The following ATP1B3 variants were observed in gnomAD, a reference collection of about 807,000 sequenced individuals.
The protein encoded by ATP1B3 is ATPase Na+/K+ transporting subunit beta 3.
In ATP1B3, 10 loss-of-function variants were observed where a neutral mutation model predicts 30.2. That is an observed-to-expected ratio of 0.33 (90% CI 0.20 to 0.56). ATP1B3 has a LOEUF of 0.56. Ranked by LOEUF, ATP1B3 falls within the 20% of genes least tolerant of loss-of-function variation. The probability of loss-of-function intolerance (pLI) is 0.90; values close to 1 mark genes in which losing one functional copy is unlikely to be tolerated. For synonymous variants in ATP1B3, 113 were observed against 117.0 expected (o/e 0.97, Z 0.22); for missense variants, 238 against 336.7 (o/e 0.71, Z 2.29).
chr3:141,903,761 CA>C lies in ATP1B3; in HGVS notation c.238+14del, dbSNP rs775849174. 6.8e-6 allele frequency: 11 copies of C among 1,608,134 alleles called. No individual in the cohort carries two copies. The highest frequency in any genetic ancestry group is 8.5e-6 in the Non-Finnish European group (10 of 1,177,936). On this transcript the variant is annotated intron_variant, in intron 2 of 6. Coordinates refer to ENST00000286371, the MANE Select transcript of ATP1B3 (RefSeq NM_001679.4). ...ATTCCTAGCCCAGGTAATTATCTTG[CA>C]GTTATGACTTTGTTTTTTGTTTTTT...
intron 1 of ATP1B3, among the ~76,000 whole-genome samples, chr3:141,888,565 T>C (rs1213804298): frequency 6.6e-6 from 1 of 152,170 alleles, no homozygotes; most frequent in Non-Finnish European, 1.5e-5. Flanking sequence ...AAGAACTACC[T>C]GAGACTGGGT....
chr3:141,877,715 A>G (rs1272812340), intron 1 of ATP1B3, among the ~76,000 whole-genome samples: 4 of 148,684 alleles, frequency 2.7e-5, no homozygotes, highest in Non-Finnish European at 5.9e-5. Context: ...ATGTTAGCAG[A>G]TTTTTTCTAT....
At chr3:141,889,119 G>T (rs1166926023) in intron 1 of ATP1B3, among the ~76,000 whole-genome samples, 7 of 152,004 alleles carry the variant, frequency 4.6e-5, no homozygotes, top group Non-Finnish European at 1.0e-4. Flanking sequence ...CAAACAACCA[G>T]ACTCATGAGA....
intron 1 of ATP1B3, chr3:141,903,161 A>C (rs1361548784): frequency 6.5e-6 from 1 of 153,520 alleles, no homozygotes; most frequent in Non-Finnish European, 1.5e-5. Flanking sequence ...TTTAAAACTT[A>C]AATTTAAGCA....
rs184732303 is a variant in ATP1B3 at position 141,921,094 on chromosome 3, A to T, written c.583-883A>T. 5.0e-3 allele frequency among the ~76,000 whole-genome samples: 755 copies of T among 152,246 alleles called. 2 individuals carry two copies. Among genetic ancestry groups the T allele is most frequent in the Non-Finnish European group, 8.1e-3 (548 of 68,028 alleles). On this transcript the variant is annotated intron_variant, in intron 5 of 6. Transcript: ENST00000286371. ...ATTTTTTTATATATATATAAAATTC[A>T]AGTATTTAATAATGTTTTATTTTAA...
At chr3:141,916,155 C>A in intron 5 of ATP1B3, 135 bp downstream of exon 5, 1 of 684,358 alleles carries the variant, frequency 1.5e-6, no homozygotes, top group Non-Finnish European at 2.4e-6. Context: ...GAATAAAATT[C>A]CACCAACCGT....
intron 1 of ATP1B3, among the ~76,000 whole-genome samples, chr3:141,895,184 T>C (rs1354597880): frequency 1.4e-5 from 2 of 143,770 alleles, no homozygotes; most frequent in African/African-American, 2.6e-5. Flanking sequence ...TTTTTCTTTC[T>C]TTTCTTTTTT....
intron 1 of ATP1B3, among the ~76,000 whole-genome samples, chr3:141,896,326 A>AAT (rs1553744244): frequency 1.1e-4 from 16 of 151,392 alleles, no homozygotes; most frequent in Admixed American, 2.0e-4. Flanking sequence ...AAAAAAAAAA[A>AAT]TTTTCTTAAG....
chr3:141,884,088 A>G (rs963096579), intron 1 of ATP1B3, among the ~76,000 whole-genome samples: 2 of 152,140 alleles, frequency 1.3e-5, no homozygotes, highest in Non-Finnish European at 2.9e-5. Flanking sequence ...CTCAAATTTA[A>G]TGGGAGTTTA....
intron 3 of ATP1B3, among the ~76,000 whole-genome samples, chr3:141,908,526 A>G (rs145494882): frequency 1.3e-5 from 2 of 152,144 alleles, no homozygotes; most frequent in African/African-American, 2.4e-5. Context: ...CTCAGTCTTC[A>G]TGTCACACCC....
intron 1 of ATP1B3, among the ~76,000 whole-genome samples, chr3:141,898,740 C>T (rs1295888406): frequency 6.6e-6 from 1 of 152,060 alleles, no homozygotes; most frequent in African/African-American, 2.4e-5. Context: ...CAGGTATATA[C>T]CCAAGAGAAA....
chr3:141,891,885 TGGC>T (rs1933960465), intron 1 of ATP1B3, among the ~76,000 whole-genome samples: 1 of 150,038 alleles, frequency 6.7e-6, no homozygotes, highest in Admixed American at 6.7e-5. Flanking sequence ...TTAGAGAATG[TGGC>T]CTCTTTTTTT....
In ATP1B3 at chr3:141,890,293, T is replaced by C. The variant is rs1431129890; in HGVS notation, c.110-13327T>C. On this transcript the variant is annotated intron_variant, in intron 1 of 6. Coordinates refer to ENST00000286371, the MANE Select transcript of ATP1B3 (RefSeq NM_001679.4). ...TTTGTTTTTTTGTGGGGCTTTTTTT[T>C]TTTTTTTTTTTTTTTTTTTTTTTTT... Among the ~76,000 whole-genome samples, 143 of 41,248 alleles carry C rather than the reference T, an allele frequency of 3.5e-3. 13 individuals carry two copies. The highest frequency in any genetic ancestry group is 7.6e-3 in the African/African-American group (66 of 8,722). The allele number at this position is 41,248 out of a possible 152,430, so 27.1% of individuals were successfully genotyped here. A position where few individuals can be genotyped will look rare whatever the true frequency, so the allele number is the denominator to read the frequency against.
chr3:141,882,965 T>A (rs1374641691), intron 1 of ATP1B3, among the ~76,000 whole-genome samples: 1 of 152,222 alleles, frequency 6.6e-6, no homozygotes, highest in African/African-American at 2.4e-5. Flanking sequence ...TCTGTTCATA[T>A]AAATCTGTGT....
At chr3:141,919,604 A>G (rs1290294384) in intron 5 of ATP1B3, among the ~76,000 whole-genome samples, 2 of 152,176 alleles carry the variant, frequency 1.3e-5, no homozygotes, top group Non-Finnish European at 2.9e-5. Context: ...GAACTTAGTG[A>G]CCATCAGTAG....
At chr3:141,896,571 T>C (rs1308381412) in intron 1 of ATP1B3, among the ~76,000 whole-genome samples, 3 of 152,154 alleles carry the variant, frequency 2.0e-5, no homozygotes, top group Non-Finnish European at 4.4e-5. Flanking sequence ...TCTTCATATA[T>C]TCTAGATAGG....
intron 1 of ATP1B3, among the ~76,000 whole-genome samples, chr3:141,886,283 A>G (rs139394297): frequency 1.7e-3 from 263 of 151,950 alleles, no homozygotes; most frequent in African/African-American, 6.1e-3. Flanking sequence ...TTAGTCTGGA[A>G]CCCCTGTCTG....
At chr3:141,903,412 G>A (rs1934202965) in intron 1 of ATP1B3, among the ~76,000 whole-genome samples, 1 of 152,114 alleles carries the variant, frequency 6.6e-6, no homozygotes, top group African/African-American at 2.4e-5. Context: ...AAAAGGAGGG[G>A]TCATGGGATG....
intron 1 of ATP1B3, among the ~76,000 whole-genome samples, chr3:141,900,639 G>GT (rs1357722434): frequency 6.6e-6 from 1 of 152,096 alleles, no homozygotes; most frequent in African/African-American, 2.4e-5. Flanking sequence ...GACTGAGCCC[G>GT]TAGCATGGGG....
Sources: gnomAD v4.1 joint callset for allele counts (sites outside exome capture counted in the v4.1 genomes callset) on GRCh38, gnomAD v4.1.1 for gene constraint, MANE v1.5 for transcripts, NCBI Gene and HGNC (gene_info 2026-07-23, HGNC 2026-07-21) for gene names.